Variants in CLEC16A observed in about 807,000 individuals in gnomAD.
The protein encoded by CLEC16A is C-type lectin domain containing 16A.
Under a neutral mutation model 109.5 loss-of-function variants are expected in CLEC16A, and 51 were observed. The ratio of observed to expected loss-of-function variants is 0.47; its 90% CI spans 0.37 to 0.59. The LOEUF is 0.59. Among genes scored for constraint, CLEC16A ranks in the 20% least tolerant of loss-of-function variants. The probability of loss-of-function intolerance (pLI) is 0.00; values close to 1 mark genes in which losing one functional copy is unlikely to be tolerated. For synonymous variants in CLEC16A, 673 were observed against 564.2 expected (o/e 1.19, Z -2.73); for missense variants, 1,339 against 1,394.0 (o/e 0.96, Z 0.63).
chr16:11,048,838 C>G lies in CLEC16A; in HGVS notation c.1866+1496C>G, dbSNP rs533319763. Among the ~76,000 whole-genome samples, 2 of 151,944 alleles carry G rather than the reference C, an allele frequency of 1.3e-5. 1 individual carries two copies. The highest frequency in any genetic ancestry group is 3.9e-4 in the East Asian group (2 of 5,190). Reference sequence around the variant, plus strand: ...GTCATTTGTTATTTCCTCTTACCCCCGAGACATCCCCCTGCAATGTCATTT... The same window carrying G: ...GTCATTTGTTATTTCCTCTTACCCCGGAGACATCCCCCTGCAATGTCATTT... On this transcript the variant is annotated intron_variant, in intron 17 of 23. Transcript: ENST00000409790.
At chr16:10,968,565 C>T (rs1168211284) in intron 3 of CLEC16A, among the ~76,000 whole-genome samples, 3 of 152,132 alleles carry the variant, frequency 2.0e-5, no homozygotes, top group African/African-American at 2.4e-5. Flanking sequence ...TCTCTGTGCA[C>T]GGGTAAGTTA....
At chr16:11,118,676 C>G (rs570443965) in intron 19 of CLEC16A, among the ~76,000 whole-genome samples, 1 of 152,198 alleles carries the variant, frequency 6.6e-6, no homozygotes, top group African/African-American at 2.4e-5. Flanking sequence ...GCTTTGTTGC[C>G]TGTGCTTTTG....
At chr16:11,064,264 G>A (rs1369355237) in intron 19 of CLEC16A, among the ~76,000 whole-genome samples, 2 of 152,222 alleles carry the variant, frequency 1.3e-5, no homozygotes, top group Admixed American at 1.3e-4. Context: ...GGAATTGATT[G>A]CCACCATTTG....
intron 19 of CLEC16A, among the ~76,000 whole-genome samples, chr16:11,102,721 T>C (rs568845698): frequency 6.6e-6 from 1 of 152,188 alleles, no homozygotes; most frequent in Non-Finnish European, 1.5e-5. Flanking sequence ...CCCTTCTCCA[T>C]CTCAGCTCAG....
At chr16:11,002,590 C>A (rs955678705) in intron 10 of CLEC16A, among the ~76,000 whole-genome samples, 29 of 152,132 alleles carry the variant, frequency 1.9e-4, no homozygotes, top group Non-Finnish European at 4.0e-4. Context: ...TTCATTGCAT[C>A]CATCACTGGA....
chr16:11,122,903 T>TC (rs1184600241), intron 20 of CLEC16A, among the ~76,000 whole-genome samples: 6 of 136,994 alleles, frequency 4.4e-5, no homozygotes, highest in Non-Finnish European at 9.5e-5. Flanking sequence ...TTTCTTTTTT[T>TC]TTTTTTTTTT....
intron 19 of CLEC16A, among the ~76,000 whole-genome samples, chr16:11,110,050 G>A (rs1266734848): frequency 6.6e-6 from 1 of 152,200 alleles, no homozygotes; most frequent in East Asian, 1.9e-4. Flanking sequence ...GCAAAAGTCA[G>A]TCAGCCCCAT....
intron 15 of CLEC16A, 151 bp from the exon 16 acceptor site, chr16:11,043,877 A>C: frequency 1.9e-6 from 1 of 532,474 alleles, no homozygotes; most frequent in Non-Finnish European, 3.2e-6. Context: ...CCATCTCAAG[A>C]AAAGGGAAAA....
chr16:11,127,350 G>T (rs1250968110), intron 22 of CLEC16A, among the ~76,000 whole-genome samples: 1 of 152,156 alleles, frequency 6.6e-6, no homozygotes, highest in Non-Finnish European at 1.5e-5. Flanking sequence ...TTTCGTATTT[G>T]GGTCATTTCC....
rs1465122889 is a variant in CLEC16A at position 11,123,784 on chromosome 16, A to C, written c.2311A>C (p.Asn771His). 6 of 1,613,924 alleles carry C rather than the reference A, an allele frequency of 3.7e-6. No individual in the cohort carries two copies. In the Admixed American group the frequency reaches 8.3e-5, roughly 22 times the overall value. ...TGVEDDSRAL[N>H]ITIHKPASSP... ...CGTGGAGGACGACAGCCGTGCCCTGAACATCACCATCCACAAGCCTGCGTC... is the reference window on the plus strand; with the variant it reads ...CGTGGAGGACGACAGCCGTGCCCTGCACATCACCATCCACAAGCCTGCGTC... Residue 771 changes from asparagine to histidine, a missense_variant, in exon 21 of 24, where the codon AAC (asparagine) becomes CAC (histidine). Asn to His is a moderately conservative substitution (Grantham distance 68). Transcript: ENST00000409790.
chr16:11,141,167 G>C (rs1164919205), intron 22 of CLEC16A, among the ~76,000 whole-genome samples: 1 of 152,184 alleles, frequency 6.6e-6, no homozygotes, highest in Non-Finnish European at 1.5e-5. Context: ...TTTCCGTAGG[G>C]TCCTCCCAAG....
chr16:11,163,637 G>A (rs1388371943), intron 22 of CLEC16A, among the ~76,000 whole-genome samples: 1 of 152,210 alleles, frequency 6.6e-6, no homozygotes, highest in African/African-American at 2.4e-5. Flanking sequence ...CACTGCAGAT[G>A]TCTTTTGATA....
At chr16:10,962,733 G>A (rs2042309961) in intron 3 of CLEC16A, 145 bp downstream of exon 3, 4 of 924,590 alleles carry the variant, frequency 4.3e-6, no homozygotes, top group Non-Finnish European at 4.9e-6. Flanking sequence ...TTAAACAATA[G>A]AGATTTGTTT....
At chr16:11,043,930 C>G in intron 15 of CLEC16A, 98 bp from the exon 16 acceptor site, 1 of 820,230 alleles carries the variant, frequency 1.2e-6, no homozygotes, top group Non-Finnish European at 1.9e-6. Flanking sequence ...TAGTCCAGAT[C>G]TGTTTTATAC....
At chr16:10,945,252 G>A (rs891816261) in intron 1 of CLEC16A, among the ~76,000 whole-genome samples, 4 of 152,196 alleles carry the variant, frequency 2.6e-5, no homozygotes, top group Non-Finnish European at 4.4e-5. Flanking sequence ...GACAGCACCT[G>A]CTTCCTGCTA....
At position 11,178,687 on chromosome 16, in the gene CLEC16A, C is replaced by T. The variant is rs200068117; in HGVS notation, c.3159C>T (p.Asp1053=). The T allele has an allele frequency of 1.9e-4, 285 of 1,489,706 alleles. 1 individual carries two copies. The highest frequency in any genetic ancestry group is 2.5e-4 in the Non-Finnish European group (278 of 1,121,412). 92.3% of individuals were successfully genotyped at this position (1,489,706 alleles called of 1,614,324 possible). ...CTGAGCCTGTGGGCACCGCTGAGGA[C>T]TGAGTCAGTGCCGGGGCCTCCCTTT... ...ACAEPVGTAE[D] Residue 1053 remains aspartate (D), a synonymous_variant, in exon 24 of 24, where the codon GAC becomes GAT. Transcript: ENST00000409790. This position sits in a 1 kb window ranked among gnomAD's most constrained non-coding sequence, Gnocchi z 6.5.
At chr16:11,099,726 C>G (rs2050802210) in intron 19 of CLEC16A, among the ~76,000 whole-genome samples, 1 of 152,212 alleles carries the variant, frequency 6.6e-6, no homozygotes, top group South Asian at 2.1e-4. Flanking sequence ...ATTTGTGTGG[C>G]TACCTCCTCA....
chr16:11,170,359 C>G (rs936745717), intron 23 of CLEC16A, among the ~76,000 whole-genome samples: 2 of 152,282 alleles, frequency 1.3e-5, no homozygotes, highest in Non-Finnish European at 2.9e-5. Context: ...CCCCAGGGAG[C>G]CCACGTGGGT....
chr16:10,997,344 AT>A (rs1179451864), intron 10 of CLEC16A, among the ~76,000 whole-genome samples: 1 of 152,218 alleles, frequency 6.6e-6, no homozygotes, highest in Non-Finnish European at 1.5e-5. Flanking sequence ...CTGCTTGATG[AT>A]TTTGTGCACA....
Sources: allele counts gnomAD v4.1 joint callset (sites outside exome capture counted in the v4.1 genomes callset), GRCh38; gene constraint gnomAD v4.1.1; non-coding constraint Gnocchi (gnomAD v3.1); transcripts MANE v1.5; gene names NCBI Gene and HGNC (gene_info 2026-07-23, HGNC 2026-07-21).